Variants in PTPRM observed in about 807,000 individuals in gnomAD.
PTPRM encodes the protein receptor-type tyrosine-protein phosphatase mu.
A neutral mutation model predicts 186.7 loss-of-function variants in PTPRM; 47 were observed. The ratio of observed to expected loss-of-function variants is 0.25; its 90% confidence interval spans 0.20 to 0.32. The LOEUF is 0.32. PTPRM is among the 10% of genes least tolerant of loss of function. PTPRM has a pLI of 1.00. For missense variants in PTPRM, 1,494 were observed against 1,865.0 expected, an observed-to-expected ratio of 0.80 and a Z score of 3.66; for synonymous variants, 668 against 674.9, an observed-to-expected ratio of 0.99 and a Z score of 0.16.
intron 29 of PTPRM, 29 bp from the exon 30 acceptor site, chr18:8,384,532 A>T (rs1395042821): frequency 6.2e-7 from 1 of 1,612,860 alleles, no homozygotes; most frequent in Non-Finnish European, 8.5e-7. Flanking sequence ...TCTTATAACT[A>T]ACCTTGTGTT....
intron 7 of PTPRM, among the ~76,000 whole-genome samples, chr18:7,956,616 G>T (rs2053330278): frequency 6.6e-6 from 1 of 152,194 alleles, no homozygotes; most frequent in South Asian, 2.1e-4. Flanking sequence ...CTTTGTGCAG[G>T]CAGTCTGGTC....
intron 7 of PTPRM, among the ~76,000 whole-genome samples, chr18:7,987,361 G>A (rs892044635): frequency 1.3e-5 from 2 of 152,202 alleles, no homozygotes; most frequent in African/African-American, 4.8e-5. Context: ...AAGGGAGCAA[G>A]TGGAGAAACA....
At chr18:8,252,021 C>T (rs950392570) in intron 17 of PTPRM, among the ~76,000 whole-genome samples, 15 of 152,154 alleles carry the variant, frequency 9.9e-5, no homozygotes, top group African/African-American at 2.4e-4. Flanking sequence ...AATCTAATAG[C>T]ATTTCCCTGC....
intron 2 of PTPRM, among the ~76,000 whole-genome samples, chr18:7,834,145 C>T (rs1217607697): frequency 6.6e-6 from 1 of 151,992 alleles, no homozygotes; most frequent in Non-Finnish European, 1.5e-5. Context: ...TCATGAAGGG[C>T]TGTTAATTTT....
intron 15 of PTPRM, among the ~76,000 whole-genome samples, chr18:8,247,458 C>T (rs971103325): frequency 6.6e-5 from 10 of 152,166 alleles, no homozygotes; most frequent in African/African-American, 1.9e-4. Context: ...CATTGGGAAT[C>T]GTCTCCAAAA....
chr18:7,701,114 G>A (rs1312489925), intron 1 of PTPRM, among the ~76,000 whole-genome samples: 1 of 151,758 alleles, frequency 6.6e-6, no homozygotes, highest in Non-Finnish European at 1.5e-5. Context: ...GACCACCCTG[G>A]ACAACATGGT....
chr18:7,733,492 G>A (rs1368512828), intron 1 of PTPRM, among the ~76,000 whole-genome samples: 1 of 152,066 alleles, frequency 6.6e-6, no homozygotes, highest in Non-Finnish European at 1.5e-5. Context: ...TCAATGATAG[G>A]CATTTGGGCT....
At chr18:7,642,865 AAAG>A (rs1210181815) in intron 1 of PTPRM, among the ~76,000 whole-genome samples, 3,972 of 145,364 alleles carry the variant, frequency 0.027, 92 homozygotes, top group Non-Finnish European at 0.04. Flanking sequence ...AAAAAAAAAA[AAAG>A]AAGAAGAAAG....
intron 19 of PTPRM, among the ~76,000 whole-genome samples, chr18:8,280,968 A>G (rs139789346): frequency 8.5e-5 from 13 of 152,374 alleles, no homozygotes; most frequent in Non-Finnish European, 1.9e-4. Flanking sequence ...CTTAAATGGC[A>G]CATATTAATA....
chr18:7,767,763 G>A (rs1323411170), intron 1 of PTPRM, among the ~76,000 whole-genome samples: 1 of 152,154 alleles, frequency 6.6e-6, no homozygotes, highest in African/African-American at 2.4e-5. Flanking sequence ...GCCATAATTT[G>A]TGGAGACTTC....
At chr18:7,825,620 C>T (rs2045444119) in intron 2 of PTPRM, among the ~76,000 whole-genome samples, 1 of 152,036 alleles carries the variant, frequency 6.6e-6, no homozygotes, top group African/African-American at 2.4e-5. Context: ...GTTGGCTGAT[C>T]CCTGTGATGC....
intron 19 of PTPRM, among the ~76,000 whole-genome samples, chr18:8,267,666 C>T (rs538335323): frequency 6.6e-5 from 10 of 152,052 alleles, no homozygotes; most frequent in Admixed American, 2.0e-4. Flanking sequence ...ATTACTAGTT[C>T]GAAGTATATA....
chr18:8,271,938 G>A (rs1048776833), intron 19 of PTPRM, among the ~76,000 whole-genome samples: 1 of 152,008 alleles, frequency 6.6e-6, no homozygotes, highest in East Asian at 1.9e-4. Context: ...TTGGCTGAGC[G>A]CAGTGGCTCA....
At chr18:7,733,493 C>T (rs2040705184) in intron 1 of PTPRM, among the ~76,000 whole-genome samples, 1 of 152,082 alleles carries the variant, frequency 6.6e-6, no homozygotes, top group African/African-American at 2.4e-5. Flanking sequence ...CAATGATAGG[C>T]ATTTGGGCTG....
intron 2 of PTPRM, among the ~76,000 whole-genome samples, chr18:7,816,315 A>G (rs11874030): frequency 0.031 from 4,764 of 152,292 alleles, 271 homozygotes; most frequent in African/African-American, 0.11. Flanking sequence ...TCTTCCAATT[A>G]GTTTCTTCCA....
At chr18:7,795,153 G>A (rs1252825542) in intron 2 of PTPRM, among the ~76,000 whole-genome samples, 3 of 152,128 alleles carry the variant, frequency 2.0e-5, no homozygotes. Flanking sequence ...GTGGATCGTC[G>A]TTGTTCTCCA....
intron 2 of PTPRM, among the ~76,000 whole-genome samples, chr18:7,803,653 G>A (rs1188401071): frequency 6.6e-6 from 1 of 152,172 alleles, no homozygotes; most frequent in Non-Finnish European, 1.5e-5. Context: ...AGCCCATGGG[G>A]AAGGAGATGA....
chr18:8,260,162 G>A (rs111869440), intron 19 of PTPRM, among the ~76,000 whole-genome samples: 5,319 of 147,490 alleles, frequency 0.036, 104 homozygotes, highest in South Asian at 0.059. Flanking sequence ...CCAAACAGAA[G>A]GAGAATTGCT....
intron 24 of PTPRM, among the ~76,000 whole-genome samples, chr18:8,374,823 G>C (rs1391109499): frequency 2.0e-5 from 3 of 152,204 alleles, no homozygotes; most frequent in Non-Finnish European, 4.4e-5. Context: ...GCAGTTGTTT[G>C]CTTTTCTGGT....
Sources: gnomAD v4.1 joint callset for allele counts (sites outside exome capture counted in the v4.1 genomes callset) on GRCh38, gnomAD v4.1.1 for gene constraint, MANE v1.5 for transcripts, NCBI Gene and HGNC (gene_info 2026-07-23, HGNC 2026-07-21) for gene names.